Variants in LRP1B observed in about 807,000 individuals in gnomAD.
LRP1B encodes low-density lipoprotein receptor-related protein 1B.
Under a neutral mutation model 556.6 loss-of-function variants are expected in LRP1B, and 217 were observed. The observed-to-expected ratio is 0.39, with a 90% CI of 0.35 to 0.44. LRP1B has a LOEUF of 0.44. Ranked by LOEUF, LRP1B falls within the 20% of genes least tolerant of loss-of-function variation. The pLI is 1.00. For synonymous variants in LRP1B, 2,047 were observed against 1,865.8 expected (o/e 1.10, Z -2.50); for missense variants, 5,053 against 5,620.8 (o/e 0.90, Z 3.23).
Position 140,506,676 on chromosome 2 carries a change from C to G in LRP1B, c.8521+120G>C, listed in dbSNP as rs149681992. 3.3e-4 allele frequency: 310 copies of G among 939,294 alleles called. 1 individual carries two copies. In the African/African-American group the frequency reaches 4.8e-3, roughly 14 times the overall value. The allele number at this position is 939,294 out of a possible 1,614,324, so 58.2% of individuals were successfully genotyped here. A position where few individuals can be genotyped will look rare whatever the true frequency, so the allele number is the denominator to read the frequency against. ...TGCTGTGATTGTGTATTACTGAATT[C>G]ACTGGGTGTTGATGACACTAAGAAA... On this transcript the variant is annotated intron_variant, in intron 53 of 90. Coordinates refer to ENST00000389484, the MANE Select transcript of LRP1B (RefSeq NM_018557.3).
chr2:140,441,700 G>T (rs544869640), intron 66 of LRP1B, among the ~76,000 whole-genome samples: 1 of 152,274 alleles, frequency 6.6e-6, no homozygotes, highest in South Asian at 2.1e-4. Flanking sequence ...AAGTCTGGGA[G>T]TCCTATCCAG....
chr2:141,141,993 G>A (rs1307485820), intron 7 of LRP1B, among the ~76,000 whole-genome samples: 4 of 149,292 alleles, frequency 2.7e-5, no homozygotes, highest in African/African-American at 2.5e-5. Flanking sequence ...AATACAAAAC[G>A]ATAGGGTTTT....
intron 1 of LRP1B, among the ~76,000 whole-genome samples, chr2:141,912,643 T>C (rs1328643818): frequency 6.6e-6 from 1 of 152,092 alleles, no homozygotes; most frequent in Non-Finnish European, 1.5e-5. Flanking sequence ...ATTGACTATT[T>C]TGAGAGAAAA....
At chr2:140,953,153 A>G (rs1438968348) in intron 18 of LRP1B, among the ~76,000 whole-genome samples, 1 of 152,054 alleles carries the variant, frequency 6.6e-6, no homozygotes, top group Non-Finnish European at 1.5e-5. Flanking sequence ...TGCAGTGGCG[A>G]GATCCAGACT....
intron 3 of LRP1B, among the ~76,000 whole-genome samples, chr2:141,364,442 G>A (rs1688946186): frequency 6.6e-6 from 1 of 151,956 alleles, no homozygotes; most frequent in Non-Finnish European, 1.5e-5. Context: ...ATATATTTGT[G>A]AAAACATCTC....
At chr2:141,017,238 C>T (rs941236764) in intron 12 of LRP1B, among the ~76,000 whole-genome samples, 3 of 152,040 alleles carry the variant, frequency 2.0e-5, no homozygotes, top group Admixed American at 6.6e-5. Flanking sequence ...AACTACTTGA[C>T]ATCAGCTATA....
intron 86 of LRP1B, among the ~76,000 whole-genome samples, chr2:140,252,019 C>A (rs1457605889): frequency 8.9e-6 from 1 of 112,212 alleles, no homozygotes; most frequent in Non-Finnish European, 1.7e-5. Context: ...TCCCCTGAGT[C>A]TTTTATACTC....
At chr2:141,135,128 AAG>A (rs1263101005) in intron 7 of LRP1B, among the ~76,000 whole-genome samples, 2 of 151,796 alleles carry the variant, frequency 1.3e-5, no homozygotes, top group Non-Finnish European at 2.9e-5. Flanking sequence ...AGAGATTTCT[AAG>A]AGAGAATAGT....
At chr2:140,709,804 T>G (rs941853053) in intron 37 of LRP1B, among the ~76,000 whole-genome samples, 2 of 152,106 alleles carry the variant, frequency 1.3e-5, no homozygotes, top group Non-Finnish European at 2.9e-5. Context: ...TAAATGTCTA[T>G]ATAATATTAG....
At chr2:141,345,425 C>A (rs2105525777) in intron 3 of LRP1B, among the ~76,000 whole-genome samples, 2 of 152,036 alleles carry the variant, frequency 1.3e-5, no homozygotes, top group East Asian at 1.9e-4. Context: ...TGACACAATT[C>A]TATTTTCATT....
intron 2 of LRP1B, among the ~76,000 whole-genome samples, chr2:141,719,623 A>C (rs551985726): frequency 6.6e-6 from 1 of 152,206 alleles, no homozygotes; most frequent in South Asian, 2.1e-4. Context: ...AATAGATAGA[A>C]TGTATCCACC....
At chr2:140,901,999 C>G (rs545412290) in intron 23 of LRP1B, among the ~76,000 whole-genome samples, 2 of 152,048 alleles carry the variant, frequency 1.3e-5, no homozygotes, top group East Asian at 1.9e-4. Context: ...GAGATATGTG[C>G]GGCAACTATA....
At chr2:140,755,563 G>A (rs1047646006) in intron 35 of LRP1B, among the ~76,000 whole-genome samples, 1 of 151,384 alleles carries the variant, frequency 6.6e-6, no homozygotes, top group Non-Finnish European at 1.5e-5. Context: ...CAGAATAAGT[G>A]ACAAAAGGTA....
intron 71 of LRP1B, among the ~76,000 whole-genome samples, chr2:140,367,459 C>T (rs569002088): frequency 1.9e-4 from 29 of 151,798 alleles, no homozygotes; most frequent in African/African-American, 7.0e-4. Flanking sequence ...AAGTGAATAT[C>T]ACCATGTGAG....
chr2:141,734,842 T>G (rs1466083094), intron 2 of LRP1B, among the ~76,000 whole-genome samples: 1 of 152,160 alleles, frequency 6.6e-6, no homozygotes, highest in Non-Finnish European at 1.5e-5. Flanking sequence ...AATATGTTAT[T>G]AAGCACCTGC....
At chr2:141,848,428 C>T (rs1697729444) in intron 1 of LRP1B, among the ~76,000 whole-genome samples, 2 of 151,348 alleles carry the variant, frequency 1.3e-5, no homozygotes, top group Non-Finnish European at 3.0e-5. Context: ...CTCATCATAA[C>T]AGAGTTAATG....
intron 41 of LRP1B, among the ~76,000 whole-genome samples, chr2:140,611,601 A>G (rs1404125509): frequency 1.3e-5 from 2 of 152,170 alleles, no homozygotes; most frequent in African/African-American, 4.8e-5. Context: ...ATAAGTACAG[A>G]AAATTCAAAG....
chr2:141,229,535 T>C, intron 5 of LRP1B, 95 bp from the exon 6 acceptor site: 1 of 930,420 alleles, frequency 1.1e-6, no homozygotes, highest in Non-Finnish European at 1.6e-6. Flanking sequence ...TCTATACTTT[T>C]AATAAATTCA....
intron 86 of LRP1B, among the ~76,000 whole-genome samples, chr2:140,252,099 CA>C (rs768188298): frequency 1.3e-4 from 7 of 53,768 alleles, no homozygotes; most frequent in Non-Finnish European, 1.8e-4. Context: ...ACCCAAAAAA[CA>C]AAAAAAAACA....
Sources: allele counts gnomAD v4.1 joint callset (sites outside exome capture counted in the v4.1 genomes callset), GRCh38; gene constraint gnomAD v4.1.1; transcripts MANE v1.5; gene names NCBI Gene and HGNC (gene_info 2026-07-23, HGNC 2026-07-21).